PDLIM3: variants seen among roughly 807,000 people sequenced by gnomAD.
PDLIM3 encodes the protein PDZ and LIM domain 3, also known as PDZ and LIM domain protein 3.
Under a neutral mutation model 37.3 loss-of-function variants are expected in PDLIM3, and 36 were observed. The observed-to-expected ratio is 0.97, with a 90% CI of 0.74 to 1.28. The LOEUF is 1.28. PDLIM3 is among the 50% of genes most tolerant of loss of function. The pLI is 0.00. For missense variants in PDLIM3, 454 were observed against 485.0 expected (o/e 0.94, Z 0.60); for synonymous variants, 174 against 182.4 (o/e 0.95, Z 0.37).
Position 185,530,588 on chromosome 4 carries a change from C to T in PDLIM3, c.93+4754G>A, listed in dbSNP as rs544680734. On this transcript the variant is annotated intron_variant, in intron 1 of 7. Transcript: ENST00000284767. ...ACACAAAAGAAGCTTGCCCTGTACA[C>T]TAGCCTCCCCTTATTCACGGTTTTA... Among the ~76,000 whole-genome samples, 14 of 152,302 alleles carry T rather than the reference C, an allele frequency of 9.2e-5. No homozygotes were observed. In the South Asian group the frequency reaches 2.5e-3, roughly 27 times the overall value.
chr4:185,517,347 C>CTTTTTTTTT (rs11419562), intron 3 of PDLIM3: 1 of 48,812 alleles, frequency 2.0e-5, no homozygotes, highest in African/African-American at 6.3e-5. Context: ...TGGAGCTTAG[C>CTTTTTTTTT]TTTTTTTTTT....
chr4:185,510,619 C>T (rs571584970), intron 4 of PDLIM3, among the ~76,000 whole-genome samples: 2 of 151,766 alleles, frequency 1.3e-5, no homozygotes, highest in East Asian at 1.9e-4. Context: ...TTCAAATTGT[C>T]GCAAATCTCC....
chr4:185,534,026 T>C (rs892721854), intron 1 of PDLIM3, among the ~76,000 whole-genome samples: 4 of 152,244 alleles, frequency 2.6e-5, no homozygotes, highest in African/African-American at 9.6e-5. Flanking sequence ...CCCAGGTCAC[T>C]GAAGCATTTT....
rs764020010 is a variant in PDLIM3 at position 185,505,528 on chromosome 4, G to C, written c.794-942C>G. ...CCCATCTACTTGGGAGGCTGAGGCA[G>C]AAGAATCACTTGAACCCGGGAGGCA... On this transcript the variant is annotated intron_variant, in intron 6 of 7. Coordinates refer to ENST00000284767, the MANE Select transcript of PDLIM3 (RefSeq NM_014476.6). Among the ~76,000 whole-genome samples the C allele has an allele frequency of 2.6e-5, 4 of 151,874 alleles. No individual in the cohort carries two copies. The South Asian group carries it at 8.3e-4, about 31-fold the overall frequency.
chr4:185,511,207 T>G (rs2095706015), intron 4 of PDLIM3, among the ~76,000 whole-genome samples: 1 of 152,196 alleles, frequency 6.6e-6, no homozygotes, highest in Non-Finnish European at 1.5e-5. Flanking sequence ...TACATATGTA[T>G]TTAATTGTAG....
intron 1 of PDLIM3, among the ~76,000 whole-genome samples, chr4:185,526,000 A>T (rs1274522398): frequency 6.6e-6 from 1 of 152,210 alleles, no homozygotes; most frequent in Non-Finnish European, 1.5e-5. Context: ...TAATACACAA[A>T]ATTATAACTT....
chr4:185,523,339 A>C, intron 3 of PDLIM3, 23 bp downstream of exon 3: 1 of 1,497,140 alleles, frequency 6.7e-7, no homozygotes, highest in Non-Finnish European at 9.3e-7. Flanking sequence ...TACAATGTGT[A>C]TCATTTGCTC....
chr4:185,533,025 G>A (rs539880681), intron 1 of PDLIM3, among the ~76,000 whole-genome samples: 10 of 152,242 alleles, frequency 6.6e-5, no homozygotes, highest in African/African-American at 2.2e-4. Context: ...CAGACCTAGC[G>A]TCAGAGCCTG....
chr4:185,503,767 G>A (rs2095691625), intron 7 of PDLIM3, among the ~76,000 whole-genome samples: 2 of 152,178 alleles, frequency 1.3e-5, no homozygotes, highest in South Asian at 2.1e-4. Context: ...GGCCAACACG[G>A]TGAAACCCCC....
chr4:185,523,437 A>G lies in PDLIM3; in HGVS notation c.255T>C (p.Thr85=), dbSNP rs2095726210. Residue 85 remains threonine (T), a synonymous_variant, in exon 3 of 8, where the codon ACT becomes ACC. Coordinates refer to ENST00000284767, the MANE Select transcript of PDLIM3 (RefSeq NM_014476.6). ...CAGATACTTGTGGAGACCATAAGTG[A>G]GTTTCTCCCCTGGAAATAAAATAAA... ...QLCLKIDRGE[T]HLWSPQVSED... 6.3e-7 allele frequency: 1 copy of G among 1,595,854 alleles called. No individual in the cohort carries two copies. Among genetic ancestry groups the G allele is most frequent in the Non-Finnish European group, 8.6e-7 (1 of 1,163,784 alleles).
At chr4:185,527,328 G>C (rs2153338732) in intron 1 of PDLIM3, among the ~76,000 whole-genome samples, 1 of 152,258 alleles carries the variant, frequency 6.6e-6, no homozygotes, top group Non-Finnish European at 1.5e-5. Flanking sequence ...TTCTTTATTT[G>C]CTTATTCTAG....
At chr4:185,529,116 A>T (rs1281390719) in intron 1 of PDLIM3, among the ~76,000 whole-genome samples, 1 of 152,184 alleles carries the variant, frequency 6.6e-6, no homozygotes, top group East Asian at 1.9e-4. Context: ...TACTGCAGTG[A>T]ATCACTTAGC....
At chr4:185,516,876 T>C (rs1271270553) in intron 3 of PDLIM3, 1 of 152,254 alleles carries the variant, frequency 6.6e-6, no homozygotes, top group Admixed American at 6.5e-5. Context: ...CCATTTAGTC[T>C]ATGATTTTGT....
At chr4:185,508,746 T>C (rs2095702056) in intron 4 of PDLIM3, among the ~76,000 whole-genome samples, 184 bp from the exon 5 acceptor site, 1 of 152,332 alleles carries the variant, frequency 6.6e-6, no homozygotes, top group South Asian at 2.1e-4. Context: ...GGGAAGACGG[T>C]GAAAAATTCA....
chr4:185,503,295 C>T (rs1369989499), intron 7 of PDLIM3, among the ~76,000 whole-genome samples: 2 of 152,078 alleles, frequency 1.3e-5, no homozygotes, highest in South Asian at 2.1e-4. Flanking sequence ...GATGGAATTC[C>T]TTTGGGGTGG....
Position 185,514,052 on chromosome 4 carries a change from A to G in PDLIM3, c.398+218T>C. On this transcript the variant is annotated intron_variant, in intron 4 of 7. Coordinates refer to ENST00000284767, the MANE Select transcript of PDLIM3 (RefSeq NM_014476.6). The surrounding 1 kb of genome is among the most constrained non-coding windows in gnomAD (Gnocchi z 4.0). ...TAAATACACGTGGTGATTGCATACA[A>G]TTTCACAGCTCTGTCATCTTGTCAA... 2.1e-6 allele frequency: 3 copies of G among 1,439,684 alleles called. No homozygotes were observed. The highest frequency in any genetic ancestry group is 2.7e-6 in the Non-Finnish European group (3 of 1,098,844). The allele number at this position is 1,439,684 out of a possible 1,614,324, so 89.2% of individuals were successfully genotyped here.
intron 1 of PDLIM3, among the ~76,000 whole-genome samples, chr4:185,534,791 C>T (rs1006869986): frequency 6.6e-6 from 1 of 152,190 alleles, no homozygotes; most frequent in Non-Finnish European, 1.5e-5. Context: ...GGAAGACTTC[C>T]CCTGTCTGGG....
Position 185,532,251 on chromosome 4 carries a change from A to G in PDLIM3, c.93+3091T>C, listed in dbSNP as rs150407822. Reference sequence around the variant, plus strand: ...CTAGTCAATCATTCATACCGTGTCTATATTTATTCTACAACACATATGCTC... The same window carrying G: ...CTAGTCAATCATTCATACCGTGTCTGTATTTATTCTACAACACATATGCTC... On this transcript the variant is annotated intron_variant, in intron 1 of 7. Coordinates refer to ENST00000284767, the MANE Select transcript of PDLIM3 (RefSeq NM_014476.6). Among the ~76,000 whole-genome samples, 124 of 152,370 alleles carry G rather than the reference A, an allele frequency of 8.1e-4. 3 individuals are homozygous for G. In the East Asian group the frequency reaches 0.02, roughly 25 times the overall value.
intron 1 of PDLIM3, among the ~76,000 whole-genome samples, chr4:185,535,114 G>A (rs1024042124): frequency 4.6e-5 from 7 of 152,208 alleles, no homozygotes; most frequent in Non-Finnish European, 1.0e-4. Context: ...CCAGAGGATG[G>A]GACACCTTTA....
Sources: gnomAD v4.1 joint callset for allele counts (sites outside exome capture counted in the v4.1 genomes callset) on GRCh38, gnomAD v4.1.1 for gene constraint, Gnocchi (gnomAD v3.1) non-coding constraint, MANE v1.5 for transcripts, NCBI Gene and HGNC (gene_info 2026-07-23, HGNC 2026-07-21) for gene names.